Variants in OSBPL1A observed in about 807,000 individuals in gnomAD.
OSBPL1A encodes the protein oxysterol-binding protein-related protein 1.
In OSBPL1A, 80 loss-of-function variants were observed where a neutral mutation model predicts 137.1. The ratio of observed to expected loss-of-function variants is 0.58; its 90% CI spans 0.49 to 0.70. The LOEUF is 0.70. Ranked by LOEUF, OSBPL1A falls within the 30% of genes least tolerant of loss-of-function variation. The pLI, the probability that OSBPL1A is intolerant of heterozygous loss-of-function variation, is 0.00. For synonymous variants in OSBPL1A, 365 were observed against 389.7 expected, an observed-to-expected ratio of 0.94 and a Z score of 0.75; for missense variants, 970 against 1,129.4, an observed-to-expected ratio of 0.86 and a Z score of 2.02.
chr18:24,305,406 T>G (rs1217535990), intron 13 of OSBPL1A, among the ~76,000 whole-genome samples: 1 of 152,184 alleles, frequency 6.6e-6, no homozygotes, highest in Non-Finnish European at 1.5e-5. Flanking sequence ...AATCTACACA[T>G]ACTGTTTTAA....
intron 17 of OSBPL1A, among the ~76,000 whole-genome samples, chr18:24,224,157 TG>T (rs1413693183): frequency 6.6e-6 from 1 of 152,202 alleles, no homozygotes. Flanking sequence ...AGACATTTTT[TG>T]TTAACAAAGG....
chr18:24,162,963 T>G lies in OSBPL1A; in HGVS notation c.*216A>C. On this transcript the variant is annotated 3_prime_UTR_variant, in exon 28 of 28. Coordinates refer to ENST00000319481, the MANE Select transcript of OSBPL1A (RefSeq NM_080597.4). ...CCTCTATATAAAATAGTATTCCAAA[T>G]AAGTACATTTTATAGCAAAATTATG... The G allele has an allele frequency of 4.9e-6, 2 of 408,710 alleles. No individual in the cohort carries two copies. Among genetic ancestry groups the G allele is most frequent in the East Asian group, 1.0e-4 (2 of 20,094 alleles). The allele number at this position is 408,710 out of a possible 1,614,324, so 25.3% of individuals were successfully genotyped here. A position where few individuals can be genotyped will look rare whatever the true frequency, so the allele number is the denominator to read the frequency against.
intron 4 of OSBPL1A, among the ~76,000 whole-genome samples, chr18:24,364,089 T>A (rs575650366): frequency 3.3e-5 from 5 of 152,144 alleles, no homozygotes; most frequent in South Asian, 4.1e-4. Flanking sequence ...TATTTACAAG[T>A]TTTGGGGGAT....
chr18:24,310,643 A>G (rs2146111723), intron 13 of OSBPL1A, among the ~76,000 whole-genome samples: 1 of 150,898 alleles, frequency 6.6e-6, no homozygotes, highest in Non-Finnish European at 1.5e-5. Context: ...AAGAAGAAAT[A>G]TTTTTAATGG....
At chr18:24,327,111 C>CTTTTTTT (rs68045251) in intron 7 of OSBPL1A, among the ~76,000 whole-genome samples, 2 of 137,010 alleles carry the variant, frequency 1.5e-5, no homozygotes, top group African/African-American at 2.7e-5. Context: ...TTTCTTTTTT[C>CTTTTTTT]TTTTTTTTTT....
chr18:24,275,727 T>TC (rs2089830406), intron 15 of OSBPL1A, among the ~76,000 whole-genome samples: 1 of 138,744 alleles, frequency 7.2e-6, no homozygotes, highest in Non-Finnish European at 1.5e-5. Context: ...AGTCCCACTC[T>TC]CTTTTTTTTT....
intron 15 of OSBPL1A, among the ~76,000 whole-genome samples, chr18:24,250,189 T>TTTTTTTTTTTG (rs2089043904): frequency 4.6e-5 from 1 of 21,800 alleles, no homozygotes. Context: ...TTTGTTTGTT[T>TTTTTTTTTTTG]TTTTTGACAT....
At chr18:24,181,843 T>C (rs377383370) in intron 18 of OSBPL1A, among the ~76,000 whole-genome samples, 1 of 152,088 alleles carries the variant, frequency 6.6e-6, no homozygotes, top group East Asian at 1.9e-4. Context: ...GAACACCTTA[T>C]AAAAGTAAAA....
At chr18:24,240,820 C>G (rs1599549053) in intron 15 of OSBPL1A, among the ~76,000 whole-genome samples, 2 of 152,268 alleles carry the variant, frequency 1.3e-5, no homozygotes, top group Admixed American at 1.3e-4. Context: ...GAAGCAGAAG[C>G]CACACTCCTT....
chr18:24,285,777 C>A (rs558371223), intron 14 of OSBPL1A, among the ~76,000 whole-genome samples: 5 of 152,272 alleles, frequency 3.3e-5, no homozygotes, highest in Middle Eastern at 3.4e-3. Context: ...GATGATTTAT[C>A]TTTTGTGGTG....
chr18:24,305,529 A>G (rs984915019), intron 13 of OSBPL1A, among the ~76,000 whole-genome samples: 4 of 152,244 alleles, frequency 2.6e-5, no homozygotes, highest in African/African-American at 7.2e-5. Flanking sequence ...ATGGTCTCCC[A>G]TTTGCTTAGT....
chr18:24,383,710 T>C (rs112458992), intron 1 of OSBPL1A, among the ~76,000 whole-genome samples: 8,109 of 152,258 alleles, frequency 0.053, 653 homozygotes, highest in African/African-American at 0.18. Flanking sequence ...GCTGAGATCG[T>C]GCCACTGCAC....
At chr18:24,223,740 C>T (rs1031448691) in intron 17 of OSBPL1A, among the ~76,000 whole-genome samples, 23 of 152,062 alleles carry the variant, frequency 1.5e-4, no homozygotes, top group African/African-American at 4.8e-4. Context: ...ATAAAGAAAT[C>T]CCCTGTAGCT....
intron 15 of OSBPL1A, among the ~76,000 whole-genome samples, chr18:24,278,078 G>A (rs1325860764): frequency 2.6e-5 from 4 of 152,172 alleles, no homozygotes; most frequent in Non-Finnish European, 5.9e-5. Flanking sequence ...TCCCACAGTT[G>A]GAGAAAAGTT....
intron 16 of OSBPL1A, among the ~76,000 whole-genome samples, chr18:24,235,651 G>T (rs2088445953): frequency 6.6e-6 from 1 of 152,192 alleles, no homozygotes; most frequent in Non-Finnish European, 1.5e-5. Context: ...AATAGTATCT[G>T]GGAGGAAGAG....
chr18:24,169,424 C>T (rs1002773006), intron 24 of OSBPL1A, among the ~76,000 whole-genome samples: 3 of 152,180 alleles, frequency 2.0e-5, no homozygotes, highest in African/African-American at 7.2e-5. Context: ...GCAGATGATG[C>T]TCAAGATGCC....
At chr18:24,197,912 G>T (rs888519927) in intron 17 of OSBPL1A, among the ~76,000 whole-genome samples, 1 of 150,846 alleles carries the variant, frequency 6.6e-6, no homozygotes, top group Admixed American at 6.6e-5. Context: ...TCAGCCTCCC[G>T]AGTAGCTGGG....
chr18:24,170,769 C>T (rs975317033), intron 23 of OSBPL1A: 24 of 289,468 alleles, frequency 8.3e-5, no homozygotes, highest in Admixed American at 1.5e-4. Flanking sequence ...ACCTCAGCCT[C>T]CAGAGTAACT....
At chr18:24,328,844 AT>A (rs1192724287) in intron 7 of OSBPL1A, among the ~76,000 whole-genome samples, 1 of 152,208 alleles carries the variant, frequency 6.6e-6, no homozygotes, top group Non-Finnish European at 1.5e-5. Flanking sequence ...CTCACTGATA[AT>A]TACTGTTTAC....
Sources: gnomAD v4.1 joint callset for allele counts (sites outside exome capture counted in the v4.1 genomes callset) on GRCh38, gnomAD v4.1.1 for gene constraint, MANE v1.5 for transcripts, NCBI Gene and HGNC (gene_info 2026-07-23, HGNC 2026-07-21) for gene names.